ZCWPW2: variants seen among roughly 807,000 people sequenced by gnomAD.
ZCWPW2 encodes the protein zinc finger CW-type and PWWP domain containing 2.
A neutral mutation model predicts 46.6 loss-of-function variants in ZCWPW2; 45 were observed. That is an observed-to-expected ratio of 0.96 (90% CI 0.76 to 1.24). ZCWPW2 has a LOEUF of 1.24. Ranked by LOEUF, ZCWPW2 falls within the 50% of genes most tolerant of loss-of-function variation. The pLI is 0.00. For missense variants in ZCWPW2, 429 were observed against 403.9 expected (o/e 1.06, Z -0.53); for synonymous variants, 152 against 137.1 (o/e 1.11, Z -0.76).
intron 1 of ZCWPW2, among the ~76,000 whole-genome samples, chr3:28,356,946 A>G (rs1358392066): frequency 6.6e-6 from 1 of 152,204 alleles, no homozygotes; most frequent in Non-Finnish European, 1.5e-5. Flanking sequence ...TGGCATATGT[A>G]TACATATGTA....
At chr3:28,487,129 A>G (rs1559525567) in intron 5 of ZCWPW2, among the ~76,000 whole-genome samples, 2 of 151,642 alleles carry the variant, frequency 1.3e-5, no homozygotes, top group Non-Finnish European at 2.9e-5. Context: ...GAGCTTCTGG[A>G]TATATGGTTT....
intron 4 of ZCWPW2, among the ~76,000 whole-genome samples, chr3:28,459,020 C>T (rs915053625): frequency 2.0e-5 from 3 of 152,052 alleles, no homozygotes; most frequent in Non-Finnish European, 2.9e-5. Flanking sequence ...TTGTTTTGAT[C>T]TACTCTTGGT....
chr3:28,429,427 T>C (rs1234951455), intron 3 of ZCWPW2, among the ~76,000 whole-genome samples: 1 of 152,180 alleles, frequency 6.6e-6, no homozygotes, highest in Non-Finnish European at 1.5e-5. Context: ...CAGTTTTATG[T>C]ATTCATTCAC....
chr3:28,453,472 T>G (rs73825168), intron 4 of ZCWPW2, among the ~76,000 whole-genome samples: 148 of 152,326 alleles, frequency 9.7e-4, no homozygotes, highest in African/African-American at 3.5e-3. Context: ...ATTAGGTTTA[T>G]CATATTGACC....
chr3:28,476,855 T>A (rs142709007), intron 4 of ZCWPW2, among the ~76,000 whole-genome samples: 3 of 152,098 alleles, frequency 2.0e-5, no homozygotes, highest in African/African-American at 4.8e-5. Context: ...AACCTAGATC[T>A]CTCCCACGTG....
intron 2 of ZCWPW2, among the ~76,000 whole-genome samples, chr3:28,395,058 G>A (rs1332829625): frequency 2.6e-5 from 4 of 152,146 alleles, no homozygotes; most frequent in African/African-American, 9.6e-5. Flanking sequence ...CAATTCTGTA[G>A]CAAAATATCA....
chr3:28,480,125 G>C (rs1053756640), intron 5 of ZCWPW2, among the ~76,000 whole-genome samples: 2 of 152,038 alleles, frequency 1.3e-5, no homozygotes, highest in African/African-American at 2.4e-5. Flanking sequence ...TCTGCCCCTA[G>C]GTCTTTGAGC....
rs185021875 is a variant in ZCWPW2, at chr3:28,401,156, G to A, written c.-14+10539G>A. 6.7e-3 allele frequency among the ~76,000 whole-genome samples: 1,010 copies of A among 151,688 alleles called. 3 individuals carry two copies. Among genetic ancestry groups the A allele is most frequent in the Non-Finnish European group, 0.012 (795 of 67,924 alleles). On this transcript the variant is annotated intron_variant, in intron 2 of 9. Transcript: ENST00000383768. Reference sequence around the variant, plus strand: ...ATTGCACCCCTGCACTCCAGCCTGGGCGACGAGCAAGACTCCATCTCAAAA... The same window carrying A: ...ATTGCACCCCTGCACTCCAGCCTGGACGACGAGCAAGACTCCATCTCAAAA...
chr3:28,365,431 A>G (rs548800425), intron 1 of ZCWPW2, among the ~76,000 whole-genome samples: 2 of 140,786 alleles, frequency 1.4e-5, no homozygotes, highest in East Asian at 3.9e-4. Flanking sequence ...TGTTTTTGTC[A>G]GGTTTGTCAA....
Position 28,439,085 on chromosome 3 carries a change from A to G in ZCWPW2, c.492+3816A>G, listed in dbSNP as rs189326836. On this transcript the variant is annotated intron_variant, in intron 4 of 9. Coordinates refer to ENST00000383768, the MANE Select transcript of ZCWPW2 (RefSeq NM_001040432.4). ...TATATATATGTGTATACACATATAT[A>G]TACACATATATACACACACACACAC... Among the ~76,000 whole-genome samples the G allele has an allele frequency of 6.0e-3, 849 of 142,392 alleles. 4 individuals carry two copies. The highest frequency in any genetic ancestry group is 9.4e-3 in the Non-Finnish European group (627 of 67,012). 93.4% of individuals were successfully genotyped at this position (142,392 alleles called of 152,430 possible).
chr3:28,440,821 A>G (rs1697722475), intron 4 of ZCWPW2, among the ~76,000 whole-genome samples: 1 of 152,160 alleles, frequency 6.6e-6, no homozygotes, highest in Admixed American at 6.5e-5. Context: ...GGTTAGGCAA[A>G]CCCATATCCA....
At chr3:28,413,595 T>G (rs894992268) in intron 3 of ZCWPW2, among the ~76,000 whole-genome samples, 195 bp downstream of exon 3, 1 of 152,116 alleles carries the variant, frequency 6.6e-6, no homozygotes, top group Admixed American at 6.6e-5. Flanking sequence ...TCGAATCTTA[T>G]TTTCCTCCCA....
At chr3:28,508,558 C>T (rs76865576) in intron 6 of ZCWPW2, among the ~76,000 whole-genome samples, 1 of 152,084 alleles carries the variant, frequency 6.6e-6, no homozygotes, top group African/African-American at 2.4e-5. Flanking sequence ...CACTCCATCA[C>T]CCAGGCTGTA....
At chr3:28,432,748 A>G (rs1286003467) in intron 3 of ZCWPW2, among the ~76,000 whole-genome samples, 1 of 152,200 alleles carries the variant, frequency 6.6e-6, no homozygotes, top group Non-Finnish European at 1.5e-5. Context: ...AATACTAAGT[A>G]TTTAAGAAAT....
At chr3:28,504,915 A>G (rs1700237034) in intron 6 of ZCWPW2, among the ~76,000 whole-genome samples, 1 of 152,176 alleles carries the variant, frequency 6.6e-6, no homozygotes, top group Admixed American at 6.6e-5. Flanking sequence ...AATCTGTTCT[A>G]TTACAAAAAG....
chr3:28,506,946 G>C (rs1700294228), intron 6 of ZCWPW2, among the ~76,000 whole-genome samples: 1 of 152,140 alleles, frequency 6.6e-6, no homozygotes. Flanking sequence ...CTTTGAGGTA[G>C]ATATTTTTTG....
At chr3:28,423,362 C>CTTTTT (rs1168607790) in intron 3 of ZCWPW2, among the ~76,000 whole-genome samples, 16 of 110,850 alleles carry the variant, frequency 1.4e-4, no homozygotes, top group East Asian at 2.7e-4. Context: ...TGTGAGCTAT[C>CTTTTT]TTTTTTTTTT....
chr3:28,432,114 G>A (rs1392518924), intron 3 of ZCWPW2, among the ~76,000 whole-genome samples: 5 of 152,130 alleles, frequency 3.3e-5, no homozygotes, highest in African/African-American at 1.2e-4. Flanking sequence ...GGGATTATGG[G>A]AATTACAATT....
At position 28,524,520 on chromosome 3, in the gene ZCWPW2, T is replaced by G; in HGVS notation, c.910-7T>G. 6.2e-7 allele frequency: 1 copy of G among 1,602,290 alleles called. No homozygotes were observed. ...TAGTTCCGATTAATTATATGGTTGT[T>G]TTGCAGTTATCTAAATGCAGCCCAG... On this transcript the variant is annotated splice_region_variant and splice_polypyrimidine_tract_variant and intron_variant, in intron 9 of 9. Coordinates refer to ENST00000383768, the MANE Select transcript of ZCWPW2 (RefSeq NM_001040432.4).
Sources: gnomAD v4.1 joint callset for allele counts (sites outside exome capture counted in the v4.1 genomes callset) on GRCh38, gnomAD v4.1.1 for gene constraint, MANE v1.5 for transcripts, NCBI Gene and HGNC (gene_info 2026-07-23, HGNC 2026-07-21) for gene names.